HDAC4: variants seen among roughly 807,000 people sequenced by gnomAD.
HDAC4 encodes the protein histone deacetylase 4, also known as histone deacetylase A.
Under a neutral mutation model 135.1 loss-of-function variants are expected in HDAC4, and 16 were observed. The observed-to-expected ratio is 0.12, with a 90% confidence interval of 0.08 to 0.18. The LOEUF is 0.18. Ranked by LOEUF, HDAC4 falls within the 10% of genes least tolerant of loss-of-function variation. HDAC4 has a pLI of 1.00. For synonymous variants in HDAC4, 685 were observed against 653.4 expected (o/e 1.05, Z -0.74); for missense variants, 1,143 against 1,511.8 (o/e 0.76, Z 4.05).
chr2:239,263,310 A>ACCCTGAGGACCCCCG (rs2049498162), intron 2 of HDAC4, among the ~76,000 whole-genome samples: 1 of 85,992 alleles, frequency 1.2e-5, no homozygotes. Flanking sequence ...CTCGAAGCCC[A>ACCCTGAGGACCCCCG]CCCTGAGGAC....
intron 2 of HDAC4, among the ~76,000 whole-genome samples, chr2:239,292,152 A>G (rs901527363): frequency 6.6e-6 from 1 of 152,202 alleles, no homozygotes. Flanking sequence ...GGGGACGGCC[A>G]GGATGGTAGG....
In HDAC4 at chr2:239,053,511, G is replaced by A. The variant is rs2106390417; in HGVS notation, c.3179C>T (p.Thr1060Met). Residue 1060 changes from threonine (T) to methionine (M), a missense_variant, in exon 26 of 27, where the codon ACG becomes ATG. This residue lies in a region of HDAC4 where 131 missense variants were observed against 130.6 expected (regional missense o/e 1.00). Transcript: ENST00000543185. ...AQTCENEEAE[T>M]VTAMASLSVG... ...GGACAGCGAGGCCATGGCGGTGACC[G>A]TCTCGGCTTCTTCGTTCTCGCAAGT... 6 of 1,613,804 alleles carry A rather than the reference G, an allele frequency of 3.7e-6. No homozygotes were observed. Among genetic ancestry groups the A allele is most frequent in the Non-Finnish European group, 5.1e-6 (6 of 1,179,956 alleles).
At chr2:239,183,231 C>T (rs1391123525) in intron 4 of HDAC4, among the ~76,000 whole-genome samples, 1 of 152,220 alleles carries the variant, frequency 6.6e-6, no homozygotes, top group Non-Finnish European at 1.5e-5. Context: ...ATAGGAGCCC[C>T]AGAATTTAGC....
intron 24 of HDAC4, among the ~76,000 whole-genome samples, chr2:239,063,584 CA>C (rs2033090487): frequency 6.6e-6 from 1 of 152,146 alleles, no homozygotes; most frequent in African/African-American, 2.4e-5. Context: ...TCAGAAGATC[CA>C]GGGGTTTCAG....
At chr2:239,178,013 G>A (rs1047696418) in intron 4 of HDAC4, among the ~76,000 whole-genome samples, 1 of 152,156 alleles carries the variant, frequency 6.6e-6, no homozygotes, top group African/African-American at 2.4e-5. Flanking sequence ...CAGGGCTCCC[G>A]CACGTCCTTC....
At chr2:239,144,500 G>A (rs1393724370) in intron 8 of HDAC4, 83 bp downstream of exon 8, 2 of 1,580,034 alleles carry the variant, frequency 1.3e-6, no homozygotes, top group East Asian at 2.2e-5. Flanking sequence ...TGGGTTTTCA[G>A]AAGCTCCTGA....
rs911811808 is a variant in HDAC4, at chr2:239,258,203, G to A, written c.23-21539C>T. On this transcript the variant is annotated intron_variant, in intron 2 of 26. Transcript: ENST00000543185. The stretch of plus-strand genomic sequence containing the variant: ...AGAGTGAATTTGTGAGTAGGAAGGT[G>A]GGCCAGAAGGACATTTCCAGAATGA... 9.9e-5 allele frequency among the ~76,000 whole-genome samples: 15 copies of A among 152,080 alleles called. 1 individual carries two copies. Among genetic ancestry groups the A allele is most frequent in the African/African-American group, 2.9e-4 (12 of 41,382 alleles).
At chr2:239,202,158 C>A (rs1395043519) in intron 3 of HDAC4, among the ~76,000 whole-genome samples, 1 of 152,166 alleles carries the variant, frequency 6.6e-6, no homozygotes, top group East Asian at 1.9e-4. Context: ...CATCCACGAA[C>A]CTTGGAACCA....
rs186356038 is a variant in HDAC4, at chr2:239,321,886, G to A, written c.22+30792C>T. ...TGTTAAGGGGGAGGGTCTTCACTGCGAGTCGTCCAGGTTCTTGACATGTTG... is the reference window on the plus strand; with the variant it reads ...TGTTAAGGGGGAGGGTCTTCACTGCAAGTCGTCCAGGTTCTTGACATGTTG... On this transcript the variant is annotated intron_variant, in intron 2 of 26. Transcript: ENST00000543185. Among the ~76,000 whole-genome samples the A allele has an allele frequency of 1.1e-4, 17 of 152,274 alleles. No homozygotes were observed. The East Asian group carries it at 1.4e-3, about 12-fold the overall frequency.
At chr2:239,063,269 CGGCTCACTGCA>C (rs1559356674) in intron 24 of HDAC4, among the ~76,000 whole-genome samples, 1 of 151,886 alleles carries the variant, frequency 6.6e-6, no homozygotes, top group African/African-American at 2.4e-5. Flanking sequence ...GGCGCGATCT[CGGCTCACTGCA>C]GGCTCCGCCT....
intron 6 of HDAC4, 63 bp downstream of exon 6, chr2:239,163,740 C>T (rs1366472913): frequency 2.2e-5 from 35 of 1,556,504 alleles, no homozygotes; most frequent in South Asian, 1.3e-4. Context: ...AATCTACCGG[C>T]GATCAGACAG....
chr2:239,173,018 T>G (rs1278976545), intron 5 of HDAC4, among the ~76,000 whole-genome samples: 1 of 152,166 alleles, frequency 6.6e-6, no homozygotes, highest in African/African-American at 2.4e-5. Flanking sequence ...TCAAAAACCT[T>G]TGCACAAATG....
At chr2:239,213,700 C>A (rs779180923) in intron 3 of HDAC4, among the ~76,000 whole-genome samples, 1 of 152,194 alleles carries the variant, frequency 6.6e-6, no homozygotes, top group African/African-American at 2.4e-5. Context: ...CAAGGGGAGA[C>A]GCACAGGACA....
rs114542027 is a variant in HDAC4, at chr2:239,377,260, C to T, written c.-220+23718G>A. ...GCGTCGCCACCACAGGTTACGAGGC[C>T]GTCCACTAACCGAAGCCACTGCCAG... On this transcript the variant is annotated intron_variant, in intron 1 of 26. Coordinates refer to ENST00000543185, the MANE Select transcript of HDAC4 (RefSeq NM_001378414.1). Among the ~76,000 whole-genome samples the T allele has an allele frequency of 3.2e-3, 480 of 152,288 alleles. 2 individuals carry two copies. Among genetic ancestry groups the T allele is most frequent in the Non-Finnish European group, 5.7e-3 (388 of 68,020 alleles).
At chr2:239,287,999 G>A (rs1354246660) in intron 2 of HDAC4, among the ~76,000 whole-genome samples, 2 of 151,708 alleles carry the variant, frequency 1.3e-5, no homozygotes, top group Non-Finnish European at 2.9e-5. Context: ...CAAATAGTCT[G>A]AGGTTAATTT....
rs1031037072 is a variant in HDAC4, at chr2:239,164,045, G to A, written c.491-122C>T. Reference sequence around the variant, plus strand: ...GACGGCTATGCACCTTCAGGACGCTGTGGCCTCCTGAGCGCTTCCTCAAAG... The same window carrying A: ...GACGGCTATGCACCTTCAGGACGCTATGGCCTCCTGAGCGCTTCCTCAAAG... On this transcript the variant is annotated intron_variant, in intron 5 of 26. Coordinates refer to ENST00000543185, the MANE Select transcript of HDAC4 (RefSeq NM_001378414.1). 1.5e-5 allele frequency: 18 copies of A among 1,200,144 alleles called. No homozygotes were observed. In the Admixed American group the frequency reaches 2.7e-4, roughly 18 times the overall value. 74.3% of individuals were successfully genotyped at this position (1,200,144 alleles called of 1,614,324 possible).
In HDAC4 at chr2:239,238,921, T is replaced by C. The variant is rs183579068; in HGVS notation, c.23-2257A>G. ...GGGCTGGTCCGCGTCCCACCTACCCTTCAAGAAGACATTTATTGCATGCTT... is the reference window on the plus strand; with the variant it reads ...GGGCTGGTCCGCGTCCCACCTACCCCTCAAGAAGACATTTATTGCATGCTT... On this transcript the variant is annotated intron_variant, in intron 2 of 26. Coordinates refer to ENST00000543185, the MANE Select transcript of HDAC4 (RefSeq NM_001378414.1). Among the ~76,000 whole-genome samples, 183 of 152,280 alleles carry C rather than the reference T, an allele frequency of 1.2e-3. 1 individual carries two copies. Among genetic ancestry groups the C allele is most frequent in the African/African-American group, 4.3e-3 (179 of 41,564 alleles).
In HDAC4 at chr2:239,352,242, CA is replaced by C. The variant is rs769710706; in HGVS notation, c.22+435del. Among the ~76,000 whole-genome samples, 1 of 152,106 alleles carries C rather than the reference CA, an allele frequency of 6.6e-6. No homozygotes were observed. On this transcript the variant is annotated intron_variant, in intron 2 of 26. Transcript: ENST00000543185. The surrounding 1 kb of genome is among the most constrained non-coding windows in gnomAD (Gnocchi z 4.4). ...CTCAAACACCAGGAGCAACTGTGGCCACGACCTCAGTGGGAACATGAGCTTC... is the reference window on the plus strand; with the variant it reads ...CTCAAACACCAGGAGCAACTGTGGCCCGACCTCAGTGGGAACATGAGCTTC...
intron 2 of HDAC4, among the ~76,000 whole-genome samples, chr2:239,298,930 G>A (rs1211113373): frequency 7.1e-6 from 1 of 140,812 alleles, no homozygotes; most frequent in African/African-American, 2.7e-5. Flanking sequence ...GTGCGGTGGC[G>A]CCATCTCGGC....
Sources: gnomAD v4.1 joint callset for allele counts (sites outside exome capture counted in the v4.1 genomes callset) on GRCh38, gnomAD v4.1.1 for gene constraint, gnomAD v4.1.1 regional missense constraint, Gnocchi (gnomAD v3.1) non-coding constraint, MANE v1.5 for transcripts, NCBI Gene and HGNC (gene_info 2026-07-23, HGNC 2026-07-21) for gene names.